Variants in AMBRA1 observed in about 807,000 individuals in gnomAD.
The protein encoded by AMBRA1 is activating molecule in BECN1-regulated autophagy protein 1.
Under a neutral mutation model 125.4 loss-of-function variants are expected in AMBRA1, and 47 were observed. The ratio of observed to expected loss-of-function variants is 0.37; its 90% confidence interval spans 0.30 to 0.48. The LOEUF (loss-of-function observed/expected upper bound fraction) is 0.48, where lower values mean the gene tolerates loss of function less well. Among genes scored for constraint, AMBRA1 ranks in the 20% least tolerant of loss-of-function variants. The probability of loss-of-function intolerance (pLI) is 0.99; values close to 1 mark genes in which losing one functional copy is unlikely to be tolerated. For missense variants in AMBRA1, 1,331 were observed against 1,693.4 expected (o/e 0.79, Z 3.76); for synonymous variants, 626 against 655.5 (o/e 0.95, Z 0.69).
intron 12 of AMBRA1, among the ~76,000 whole-genome samples, chr11:46,440,667 G>T (rs1034737947): frequency 2.6e-5 from 4 of 152,092 alleles, no homozygotes; most frequent in African/African-American, 9.7e-5. Context: ...TTTTCAATAA[G>T]GGAAAATGTG....
chr11:46,547,262 T>G lies in AMBRA1; in HGVS notation c.229A>C (p.Ile77Leu). ...CCAGTCTTCACCTCCGTAATATAGA[T>G]ATTATGGTTCACATGGGTGGAGGCT... ...LLASTHVNHNIYITEVKTGKC... is the reference protein window; with the variant it reads ...LLASTHVNHNLYITEVKTGKC... The change falls in exon 4 of 18, where the codon ATC (isoleucine) becomes CTC (leucine). Residue 77 changes from isoleucine to leucine, a missense_variant. Physicochemically the swap from Ile to Leu is conservative, Grantham distance 5. Coordinates refer to ENST00000683756, the MANE Select transcript of AMBRA1 (RefSeq NM_001387011.1). 1 of 1,613,340 alleles carries G rather than the reference T, an allele frequency of 6.2e-7. No homozygotes were observed. Among genetic ancestry groups the G allele is most frequent in the Non-Finnish European group, 8.5e-7 (1 of 1,179,812 alleles).
intron 15 of AMBRA1, among the ~76,000 whole-genome samples, chr11:46,416,813 C>T (rs1303302886): frequency 6.6e-6 from 1 of 152,188 alleles, no homozygotes; most frequent in Non-Finnish European, 1.5e-5. Context: ...CAGCGTCCCA[C>T]GCAGCAATCA....
Position 46,547,848 on chromosome 11 carries a change from A to T in AMBRA1, c.163T>A (p.Ser55Thr). The stretch of plus-strand genomic sequence containing the variant: ...GGGCTGAAGGCCAATAAGAAGGTAG[A>T]GCGTGGACTATCCGGCAGTTCTACT... Reference protein sequence around the residue: ...KRVELPDSPRSTFLLAFSPDR... With the variant: ...KRVELPDSPRTTFLLAFSPDR... Residue 55 changes from serine (S) to threonine (T), a missense_variant, in exon 3 of 18, where the codon TCT (serine) becomes ACT (threonine). By Grantham distance (58) the Ser-to-Thr change is moderately conservative. This residue lies in a region of AMBRA1 where 144 missense variants were observed against 250.4 expected (regional missense o/e 0.58). Transcript: ENST00000683756. 1 of 1,609,790 alleles carries T rather than the reference A, an allele frequency of 6.2e-7. No homozygotes were observed. Among genetic ancestry groups the T allele is most frequent in the Non-Finnish European group, 8.5e-7 (1 of 1,178,122 alleles).
intron 1 of AMBRA1, among the ~76,000 whole-genome samples, chr11:46,592,365 C>T (rs913653578): frequency 6.6e-6 from 1 of 152,066 alleles, no homozygotes; most frequent in Non-Finnish European, 1.5e-5. Flanking sequence ...AAAGGAGTTC[C>T]CAAAGCGTTA....
Position 46,397,604 on chromosome 11 carries a change from A to AG in AMBRA1, c.3742dup (p.Leu1248ProfsTer17). On this transcript the variant is annotated frameshift_variant, in exon 18 of 18. Transcript: ENST00000683756. LOFTEE classifies it high-confidence loss of function. ...AATGGGGACAGGGGAGGAAGAGGGCAGGGTTGGCTGGGTTGGCTCCCGCCC... is the reference window on the plus strand; with the variant it reads ...AATGGGGACAGGGGAGGAAGAGGGCAGGGGTTGGCTGGGTTGGCTCCCGCCC... The AG allele has an allele frequency of 6.2e-7, 1 of 1,608,300 alleles. No homozygotes were observed. The highest frequency in any genetic ancestry group is 8.5e-7 in the Non-Finnish European group (1 of 1,176,472).
chr11:46,456,438 A>T (rs1169826586), intron 11 of AMBRA1, among the ~76,000 whole-genome samples: 2 of 152,200 alleles, frequency 1.3e-5, no homozygotes, highest in Non-Finnish European at 2.9e-5. Context: ...AGCCAGGAAA[A>T]CTGTCAGCCT....
intron 11 of AMBRA1, among the ~76,000 whole-genome samples, chr11:46,481,164 C>T (rs1950049730): frequency 6.6e-6 from 1 of 152,142 alleles, no homozygotes; most frequent in South Asian, 2.1e-4. Flanking sequence ...CTGATAAGAG[C>T]AGCACGGTGC....
chr11:46,545,277 T>C (rs894084683), intron 5 of AMBRA1, among the ~76,000 whole-genome samples: 3 of 148,814 alleles, frequency 2.0e-5, no homozygotes, highest in Non-Finnish European at 3.0e-5. Context: ...CTGGACAACA[T>C]GGTGAAACCC....
intron 11 of AMBRA1, among the ~76,000 whole-genome samples, chr11:46,489,735 T>C (rs1338262947): frequency 6.6e-6 from 1 of 152,232 alleles, no homozygotes; most frequent in Non-Finnish European, 1.5e-5. Context: ...CAGAAGTTTT[T>C]TGTTCTTCCA....
Position 46,542,199 on chromosome 11 carries a change from A to T in AMBRA1, c.1818T>A (p.Phe606Leu). 1 of 1,613,872 alleles carries T rather than the reference A, an allele frequency of 6.2e-7. No homozygotes were observed. Reference protein sequence around the residue: ...ASSSWQVPSSFESVPSSGSQL... With the variant: ...ASSSWQVPSSLESVPSSGSQL... ...GGCTGCCACTTGATGGCACACTCTC[A>T]AAGGAGCTGGGGACCTGCCAAGAGG... Residue 606 changes from phenylalanine (F) to leucine (L), a missense_variant, in exon 7 of 18, where the codon TTT (phenylalanine) becomes TTA (leucine). Transcript: ENST00000683756. The surrounding 1 kb of genome is among the most constrained non-coding windows in gnomAD (Gnocchi z 5.9).
chr11:46,569,428 TAAAA>T (rs60592464), intron 1 of AMBRA1, among the ~76,000 whole-genome samples: 23 of 127,054 alleles, frequency 1.8e-4, no homozygotes, highest in Admixed American at 3.3e-4. Flanking sequence ...ACTGAGAGAT[TAAAA>T]AAAAAAAAAT....
chr11:46,484,347 AG>A (rs1300244959), intron 11 of AMBRA1, among the ~76,000 whole-genome samples: 2 of 152,186 alleles, frequency 1.3e-5, no homozygotes, highest in African/African-American at 2.4e-5. Flanking sequence ...CTAAGAAGAG[AG>A]AAGTAAAAGA....
intron 9 of AMBRA1, among the ~76,000 whole-genome samples, chr11:46,503,614 G>A (rs941801518): frequency 2.0e-5 from 3 of 152,034 alleles, no homozygotes; most frequent in African/African-American, 4.8e-5. Flanking sequence ...CCTGCAAAGC[G>A]CAAAAAAAGC....
chr11:46,549,942 C>T (rs373486110), intron 1 of AMBRA1, among the ~76,000 whole-genome samples: 78 of 152,270 alleles, frequency 5.1e-4, no homozygotes, highest in African/African-American at 1.6e-3. Context: ...CCTCAGCCTC[C>T]GGAGTAGCTG....
Position 46,542,168 on chromosome 11 carries a change from G to A in AMBRA1, c.1849C>T (p.Pro617Ser). The change falls in exon 7 of 18, where the codon CCA becomes TCA. Residue 617 changes from proline to serine, a missense_variant. Pro to Ser is a moderately conservative substitution (Grantham distance 74). This residue lies in a region of AMBRA1 where 689 missense variants were observed against 776.5 expected (regional missense o/e 0.89). Transcript: ENST00000683756. This position sits in a 1 kb window ranked among gnomAD's most constrained non-coding sequence, Gnocchi z 5.9. ...ESVPSSGSQL[P>S]PLERTEGQTP... ...TGGCCCTCAGTCCGCTCGAGAGGTG[G>A]CAACTGGCTGCCACTTGATGGCACA... The A allele has an allele frequency of 6.2e-7, 1 of 1,613,638 alleles. No homozygotes were observed. The highest frequency in any genetic ancestry group is 8.5e-7 in the Non-Finnish European group (1 of 1,179,762).
intron 9 of AMBRA1, 122 bp from the exon 10 acceptor site, chr11:46,494,326 G>A: frequency 1.4e-6 from 1 of 730,736 alleles, no homozygotes; most frequent in South Asian, 1.8e-5. Flanking sequence ...ACATAAATTA[G>A]TCATCTGGCT....
At chr11:46,438,553 G>C (rs1370624774) in intron 12 of AMBRA1, among the ~76,000 whole-genome samples, 1 of 152,218 alleles carries the variant, frequency 6.6e-6, no homozygotes, top group African/African-American at 2.4e-5. Flanking sequence ...AAACCCAAGG[G>C]GGGTTAAATC....
chr11:46,495,233 C>A (rs1209218200), intron 9 of AMBRA1: 2 of 152,142 alleles, frequency 1.3e-5, no homozygotes, highest in Non-Finnish European at 2.9e-5. Context: ...AATAAATGAA[C>A]CTTTGAGAGC....
At chr11:46,547,073 A>G (rs201687974) in intron 4 of AMBRA1, 40 bp downstream of exon 4, 62 of 1,547,774 alleles carry the variant, frequency 4.0e-5, no homozygotes, top group Non-Finnish European at 6.1e-6. Context: ...AAAAAAAATT[A>G]GAACACCAAA....
Sources: gnomAD v4.1 joint callset for allele counts (sites outside exome capture counted in the v4.1 genomes callset) on GRCh38, gnomAD v4.1.1 for gene constraint, gnomAD v4.1.1 regional missense constraint, Gnocchi (gnomAD v3.1) non-coding constraint, MANE v1.5 for transcripts, NCBI Gene and HGNC (gene_info 2026-07-23, HGNC 2026-07-21) for gene names.